Variants in CRISPLD2 observed in about 807,000 individuals in gnomAD.
CRISPLD2 encodes the protein cysteine-rich secretory protein LCCL domain-containing 2.
In CRISPLD2, 47 loss-of-function variants were observed where a neutral mutation model predicts 71.1. That is an observed-to-expected ratio of 0.66 (90% CI 0.52 to 0.84). The LOEUF is 0.84. Ranked by LOEUF, CRISPLD2 falls within the 40% of genes least tolerant of loss-of-function variation. The probability of loss-of-function intolerance (pLI) is 0.00; values close to 1 mark genes in which losing one functional copy is unlikely to be tolerated. For synonymous variants in CRISPLD2, 317 were observed against 250.1 expected, an observed-to-expected ratio of 1.27 and a Z score of -2.52; for missense variants, 830 against 651.1, an observed-to-expected ratio of 1.27 and a Z score of -2.99.
chr16:84,830,613 G>T (rs1916464707), intron 1 of CRISPLD2, among the ~76,000 whole-genome samples: 1 of 151,990 alleles, frequency 6.6e-6, no homozygotes, highest in African/African-American at 2.4e-5. Context: ...TGAGACAGGA[G>T]AATTGCTTGA....
At chr16:84,905,976 G>A (rs1055205762) in intron 14 of CRISPLD2, among the ~76,000 whole-genome samples, 1 of 152,118 alleles carries the variant, frequency 6.6e-6, no homozygotes, top group African/African-American at 2.4e-5. Context: ...CCAAAGTGCT[G>A]AGGTTACAGG....
intron 13 of CRISPLD2, among the ~76,000 whole-genome samples, chr16:84,881,602 A>C (rs9921539): frequency 0.021 from 3,162 of 151,902 alleles, 107 homozygotes; most frequent in African/African-American, 0.073. Context: ...AAATTCTGTG[A>C]TTAGGGCAGC....
At chr16:84,861,493 A>C (rs946780464) in intron 6 of CRISPLD2, among the ~76,000 whole-genome samples, 12 of 152,116 alleles carry the variant, frequency 7.9e-5, no homozygotes, top group Non-Finnish European at 1.5e-4. Flanking sequence ...TGGGACAAAG[A>C]TGTAGGTTGA....
chr16:84,896,796 T>C (rs1040464194), intron 14 of CRISPLD2, among the ~76,000 whole-genome samples: 1 of 152,222 alleles, frequency 6.6e-6, no homozygotes, highest in African/African-American at 2.4e-5. Flanking sequence ...TATATACATA[T>C]AAATGATATT....
chr16:84,869,051 G>C (rs1428609961), intron 8 of CRISPLD2, 140 bp downstream of exon 8: 2 of 709,308 alleles, frequency 2.8e-6, no homozygotes, highest in Non-Finnish European at 4.6e-6. Flanking sequence ...CAGAACAGGG[G>C]TTAGGGCTGG....
At chr16:84,824,248 C>G (rs1916298091) in intron 1 of CRISPLD2, among the ~76,000 whole-genome samples, 1 of 152,164 alleles carries the variant, frequency 6.6e-6, no homozygotes, top group African/African-American at 2.4e-5. Context: ...AGTCTACGAG[C>G]CAGGCTCAGG....
intron 6 of CRISPLD2, among the ~76,000 whole-genome samples, chr16:84,860,906 A>G (rs930319656): frequency 1.3e-5 from 2 of 152,176 alleles, no homozygotes; most frequent in African/African-American, 4.8e-5. Flanking sequence ...GAGGCTCAGT[A>G]TCTGCTTCTG....
chr16:84,821,904 G>A (rs945749524), intron 1 of CRISPLD2, among the ~76,000 whole-genome samples: 1 of 152,214 alleles, frequency 6.6e-6, no homozygotes, highest in African/African-American at 2.4e-5. Flanking sequence ...GTTAGTTGAG[G>A]CTCAGAATTA....
chr16:84,874,851 T>C (rs552398869), intron 11 of CRISPLD2, among the ~76,000 whole-genome samples: 18 of 152,262 alleles, frequency 1.2e-4, no homozygotes, highest in Non-Finnish European at 2.4e-4. Context: ...TTTCTCTACA[T>C]ATTCAAAGTA....
chr16:84,838,435 A>G lies in CRISPLD2; in HGVS notation c.-61A>G, dbSNP rs1311086514. ...GCTTCCTTTCAGAGCTCAAGCGCCC[A>G]GCTCTGCCCGAGGAGCCCAGGCTGC... On this transcript the variant is annotated 5_prime_UTR_variant, in exon 2 of 15. Transcript: ENST00000262424. 3.2e-6 allele frequency: 5 copies of G among 1,574,786 alleles called. No homozygotes were observed. The highest frequency in any genetic ancestry group is 4.3e-6 in the Non-Finnish European group (5 of 1,159,430).
chr16:84,888,961 C>G (rs1467685041), intron 13 of CRISPLD2, among the ~76,000 whole-genome samples: 1 of 152,176 alleles, frequency 6.6e-6, no homozygotes, highest in East Asian at 1.9e-4. Context: ...TTATCTTGTT[C>G]CCTGCTGAAT....
At chr16:84,872,293 G>A in intron 8 of CRISPLD2, 149 bp from the exon 9 acceptor site, 1 of 713,360 alleles carries the variant, frequency 1.4e-6, no homozygotes, top group Non-Finnish European at 2.4e-6. Flanking sequence ...CCTGGGTAAA[G>A]TCTGACTTGT....
intron 2 of CRISPLD2, among the ~76,000 whole-genome samples, chr16:84,843,990 G>T (rs1916844493): frequency 6.6e-6 from 1 of 152,232 alleles, no homozygotes; most frequent in South Asian, 2.1e-4. Context: ...AGACAGGACT[G>T]TCTTCCCTGA....
intron 2 of CRISPLD2, among the ~76,000 whole-genome samples, chr16:84,844,103 C>T (rs572872278): frequency 6.6e-6 from 1 of 152,256 alleles, no homozygotes; most frequent in East Asian, 1.9e-4. Context: ...GGAGGAAGTG[C>T]AGCGTCAGCT....
At chr16:84,886,523 TA>T (rs913383054) in intron 13 of CRISPLD2, among the ~76,000 whole-genome samples, 2 of 149,888 alleles carry the variant, frequency 1.3e-5, no homozygotes, top group African/African-American at 2.4e-5. Flanking sequence ...TCTGTTGTAG[TA>T]AAAAAAAAAT....
Position 84,880,783 on chromosome 16 carries a change from G to A in CRISPLD2, c.1305+199G>A, listed in dbSNP as rs2071561744. On this transcript the variant is annotated intron_variant, in intron 13 of 14. Coordinates refer to ENST00000262424, the MANE Select transcript of CRISPLD2 (RefSeq NM_031476.4). ...TACAGTGGAGTAATCTTGGCCCACT[G>A]TAACCTCTGCCTCCCAGGTTCAAAC... 1.4e-5 allele frequency: 6 copies of A among 438,542 alleles called. No individual in the cohort carries two copies. In the South Asian group the frequency reaches 2.4e-4, roughly 18 times the overall value. The allele number at this position is 438,542 out of a possible 1,614,324, so 27.2% of individuals were successfully genotyped here.
chr16:84,898,195 A>G (rs55999490), intron 14 of CRISPLD2, among the ~76,000 whole-genome samples: 1,833 of 152,330 alleles, frequency 0.012, 34 homozygotes, highest in African/African-American at 0.042. Flanking sequence ...TCTTACCAGA[A>G]CAGCCACAGC....
chr16:84,837,626 C>T (rs1389768114), intron 1 of CRISPLD2, among the ~76,000 whole-genome samples: 2 of 152,072 alleles, frequency 1.3e-5, no homozygotes, highest in African/African-American at 2.4e-5. Flanking sequence ...ATCGTGTTAG[C>T]CAGGATGGTC....
At chr16:84,848,308 C>A (rs1458210207) in intron 3 of CRISPLD2, among the ~76,000 whole-genome samples, 1 of 152,228 alleles carries the variant, frequency 6.6e-6, no homozygotes, top group Non-Finnish European at 1.5e-5. Flanking sequence ...GTAATTGTTA[C>A]AAGACCTCTA....
Sources: gnomAD v4.1 joint callset for allele counts (sites outside exome capture counted in the v4.1 genomes callset) on GRCh38, gnomAD v4.1.1 for gene constraint, MANE v1.5 for transcripts, NCBI Gene and HGNC (gene_info 2026-07-23, HGNC 2026-07-21) for gene names.